The following PVT1 variants were observed in gnomAD, a reference collection of about 807,000 sequenced individuals.
PVT1 encodes the protein CXCR4/PVT1 fusion.
chr8:128,081,529 C>G (rs182701282), intron 5 of PVT1, among the ~76,000 whole-genome samples: 3 of 152,302 alleles, frequency 2.0e-5, no homozygotes, highest in Admixed American at 2.0e-4. Flanking sequence ...CATGATTAAT[C>G]CTCAGAATAA....
chr8:127,932,749 CAAT>C (rs1486993217), intron 3 of PVT1: 2 of 269,858 alleles, frequency 7.4e-6, no homozygotes, highest in African/African-American at 3.8e-5. Context: ...ATTTTTATCT[CAAT>C]AAGCTGATAT....
chr8:127,933,286 G>A (rs930506964), intron 3 of PVT1, among the ~76,000 whole-genome samples: 2 of 152,160 alleles, frequency 1.3e-5, no homozygotes, highest in Non-Finnish European at 2.9e-5. Flanking sequence ...TGTTGGTCAG[G>A]CTGGTCTCGA....
chr8:127,840,759 CCCATG>C (rs1449484355), intron 2 of PVT1, among the ~76,000 whole-genome samples: 1 of 152,246 alleles, frequency 6.6e-6, no homozygotes, highest in Non-Finnish European at 1.5e-5. Context: ...ACTGGTCCTG[CCCATG>C]CAGGAAGCTG....
chr8:127,836,623 C>CT (rs1814911452), intron 2 of PVT1, among the ~76,000 whole-genome samples: 1 of 152,106 alleles, frequency 6.6e-6, no homozygotes, highest in South Asian at 2.1e-4. Flanking sequence ...GGCAATAACT[C>CT]TGACTGCTAA....
chr8:127,795,075 A>G (rs1267360291), intron 1 of PVT1, among the ~76,000 whole-genome samples: 1 of 152,104 alleles, frequency 6.6e-6, no homozygotes, highest in Non-Finnish European at 1.5e-5. Context: ...CTCTGGCGAA[A>G]CTAGAGGTCT....
intron 4 of PVT1, among the ~76,000 whole-genome samples, chr8:128,039,448 A>G (rs1003422353): frequency 6.6e-6 from 1 of 152,172 alleles, no homozygotes; most frequent in East Asian, 1.9e-4. Context: ...TTAATGCCCT[A>G]AAGTCATGGC....
chr8:127,982,735 C>T (rs4733585), intron 3 of PVT1, among the ~76,000 whole-genome samples: 1 of 151,818 alleles, frequency 6.6e-6, no homozygotes, highest in African/African-American at 2.4e-5. Flanking sequence ...CTTTTTGAAT[C>T]AGTAAAGCAT....
intron 4 of PVT1, among the ~76,000 whole-genome samples, chr8:128,005,491 A>T (rs548095730): frequency 7.2e-5 from 11 of 152,308 alleles, no homozygotes; most frequent in Admixed American, 5.9e-4. Flanking sequence ...TCCAACAGAT[A>T]TGCCCTAGTC....
At chr8:127,851,914 C>T (rs1458721719) in intron 2 of PVT1, 1 of 152,386 alleles carries the variant, frequency 6.6e-6, no homozygotes, top group Non-Finnish European at 1.5e-5. Flanking sequence ...TGCTCACAGT[C>T]TCTGTTCTTG....
intron 4 of PVT1, among the ~76,000 whole-genome samples, chr8:128,065,749 A>G (rs1395564776): frequency 8.8e-6 from 1 of 113,770 alleles, no homozygotes; most frequent in East Asian, 3.1e-4. Flanking sequence ...TGTCACTTCA[A>G]GCAGACACAA....
intron 4 of PVT1, among the ~76,000 whole-genome samples, chr8:128,029,273 C>T (rs951474573): frequency 2.7e-5 from 4 of 150,938 alleles, no homozygotes; most frequent in African/African-American, 9.8e-5. Flanking sequence ...CAGGTGCACA[C>T]CACCACCCTC....
intron 3 of PVT1, among the ~76,000 whole-genome samples, chr8:127,937,221 A>C (rs1251991818): frequency 6.6e-6 from 1 of 151,984 alleles, no homozygotes; most frequent in African/African-American, 2.4e-5. Context: ...AAATCTTGAG[A>C]TGCTTTGGCA....
At chr8:128,068,772 G>C (rs372069774) in intron 4 of PVT1, among the ~76,000 whole-genome samples, 1 of 152,182 alleles carries the variant, frequency 6.6e-6, no homozygotes, top group Non-Finnish European at 1.5e-5. Context: ...GATTACAGGC[G>C]TGAGCCACTG....
At chr8:127,818,277 A>G in intron 2 of PVT1, among the ~76,000 whole-genome samples, 1 of 152,168 alleles carries the variant, frequency 6.6e-6, no homozygotes, top group Non-Finnish European at 1.5e-5. Context: ...TACGCCTTTC[A>G]AAAACAGATA....
intron 3 of PVT1, among the ~76,000 whole-genome samples, chr8:127,936,564 T>C (rs1214694790): frequency 6.6e-6 from 1 of 152,166 alleles, no homozygotes; most frequent in African/African-American, 2.4e-5. Flanking sequence ...TGGTTGGATC[T>C]GTGCATCCTA....
intron 3 of PVT1, among the ~76,000 whole-genome samples, chr8:127,966,488 G>A (rs1816704050): frequency 6.6e-6 from 1 of 152,156 alleles, no homozygotes; most frequent in South Asian, 2.1e-4. Flanking sequence ...GCTAAACTGG[G>A]ACATAACTGG....
At chr8:127,879,911 C>T (rs914193658) in intron 2 of PVT1, among the ~76,000 whole-genome samples, 1 of 152,232 alleles carries the variant, frequency 6.6e-6, no homozygotes, top group Non-Finnish European at 1.5e-5. Context: ...ATCTGCAGGT[C>T]TTCGCTGGGT....
chr8:128,066,265 A>G (rs1445597188), intron 4 of PVT1, among the ~76,000 whole-genome samples: 1 of 152,158 alleles, frequency 6.6e-6, no homozygotes, highest in Admixed American at 6.5e-5. Context: ...AGCAGAATTG[A>G]CATGTCATTT....
At chr8:127,991,063 TCTG>T (rs1236210232) in intron 4 of PVT1, among the ~76,000 whole-genome samples, 1 of 152,224 alleles carries the variant, frequency 6.6e-6, no homozygotes, top group East Asian at 1.9e-4. Context: ...ATTTCTCACT[TCTG>T]CTACTGCAAT....
Sources: allele counts gnomAD v4.1 joint callset (sites outside exome capture counted in the v4.1 genomes callset), GRCh38; gene constraint gnomAD v4.1.1; transcripts MANE v1.5; gene names NCBI Gene and HGNC (gene_info 2026-07-23, HGNC 2026-07-21).